Variants in SLC13A1 observed in about 807,000 individuals in gnomAD.
The protein encoded by SLC13A1 is Na(+)/sulfate cotransporter.
A neutral mutation model predicts 70.0 loss-of-function variants in SLC13A1; 65 were observed. The observed-to-expected ratio is 0.93, with a 90% CI of 0.76 to 1.14. The LOEUF (loss-of-function observed/expected upper bound fraction) is 1.14. Ranked by LOEUF, SLC13A1 falls within the 50% of genes most tolerant of loss-of-function variation. The pLI, the probability that SLC13A1 is intolerant of heterozygous loss-of-function variation, is 0.00. For missense variants in SLC13A1, 726 were observed against 717.8 expected (o/e 1.01, Z -0.13); for synonymous variants, 275 against 250.5 (o/e 1.10, Z -0.92).
At chr7:123,140,163 C>A (rs1020925301) in intron 7 of SLC13A1, among the ~76,000 whole-genome samples, 1 of 151,814 alleles carries the variant, frequency 6.6e-6, no homozygotes, top group Non-Finnish European at 1.5e-5. Flanking sequence ...TTATGAAATG[C>A]TTTTTCAGCA....
chr7:123,183,717 A>C (rs2116629063), intron 1 of SLC13A1, among the ~76,000 whole-genome samples: 1 of 152,244 alleles, frequency 6.6e-6, no homozygotes, highest in East Asian at 1.9e-4. Flanking sequence ...TCAGGCTCAC[A>C]AGGTGATCCT....
At chr7:123,175,928 A>G (rs1795432748) in intron 2 of SLC13A1, among the ~76,000 whole-genome samples, 1 of 152,188 alleles carries the variant, frequency 6.6e-6, no homozygotes, top group Admixed American at 6.6e-5. Context: ...GAGTTAGCAT[A>G]TTGTAGAGGG....
intron 6 of SLC13A1, among the ~76,000 whole-genome samples, chr7:123,151,334 C>T (rs1434012636): frequency 6.7e-6 from 1 of 149,268 alleles, no homozygotes; most frequent in East Asian, 2.0e-4. Context: ...CGTCTCAAAA[C>T]AAAACAAAAC....
intron 8 of SLC13A1, among the ~76,000 whole-genome samples, chr7:123,131,268 G>C (rs1793749652): frequency 6.6e-6 from 1 of 152,070 alleles, no homozygotes; most frequent in Non-Finnish European, 1.5e-5. Flanking sequence ...CCCTTGTCAT[G>C]ACATAAATAC....
intron 4 of SLC13A1, 104 bp downstream of exon 4, chr7:123,169,044 A>C (rs955206371): frequency 5.2e-6 from 5 of 963,920 alleles, no homozygotes; most frequent in Non-Finnish European, 3.1e-6. Context: ...AATTCATATC[A>C]TGCATGTATA....
At chr7:123,170,622 T>TTTGTTTTG (rs75815412) in intron 3 of SLC13A1, among the ~76,000 whole-genome samples, 2 of 150,896 alleles carry the variant, frequency 1.3e-5, no homozygotes, top group Non-Finnish European at 3.0e-5. Flanking sequence ...TTTTGGTTTT[T>TTTGTTTTG]TTTGTTTGTT....
intron 1 of SLC13A1, among the ~76,000 whole-genome samples, chr7:123,184,496 A>G (rs1375844378): frequency 2.0e-5 from 3 of 152,090 alleles, no homozygotes; most frequent in African/African-American, 7.2e-5. Flanking sequence ...CACATGACTG[A>G]CATCACATGC....
At position 123,119,100 on chromosome 7, in the gene SLC13A1, A is replaced by G. The variant is rs775804871; in HGVS notation, c.1493T>C (p.Leu498Pro). Reference protein sequence around the residue: ...ASNPATITLFLPILSPLAEAI... With the variant: ...ASNPATITLFPPILSPLAEAI... ...ACTCACCAATGGAGATAATATTGGGAGAAAGAGTGTAATGGTAGCTGGATT... is the reference window on the plus strand; with the variant it reads ...ACTCACCAATGGAGATAATATTGGGGGAAAGAGTGTAATGGTAGCTGGATT... Residue 498 changes from leucine to proline, a missense_variant, in exon 13 of 15, where the codon CTC (leucine) becomes CCC (proline). Coordinates refer to ENST00000194130, the MANE Select transcript of SLC13A1 (RefSeq NM_022444.4). 6.2e-7 allele frequency: 1 copy of G among 1,612,526 alleles called. No individual in the cohort carries two copies. The highest frequency in any genetic ancestry group is 1.1e-5 in the South Asian group (1 of 91,034).
intron 1 of SLC13A1, among the ~76,000 whole-genome samples, chr7:123,189,013 G>A (rs1585405762): frequency 1.4e-5 from 2 of 148,086 alleles, no homozygotes; most frequent in South Asian, 2.1e-4. Context: ...TACTTGGGAG[G>A]CTGAGGCAGG....
chr7:123,184,229 G>C (rs1348116261), intron 1 of SLC13A1, among the ~76,000 whole-genome samples: 1 of 152,080 alleles, frequency 6.6e-6, no homozygotes, highest in Non-Finnish European at 1.5e-5. Flanking sequence ...GAATGACTAA[G>C]TCTAGCTAAT....
intron 6 of SLC13A1, chr7:123,149,500 G>C (rs1231998991): frequency 2.2e-6 from 1 of 456,452 alleles, no homozygotes; most frequent in Admixed American, 2.4e-5. Flanking sequence ...AGTGGCAGGG[G>C]GTTGGGGCAC....
chr7:123,193,337 G>A lies in SLC13A1; in HGVS notation c.99+6511C>T, dbSNP rs972827873. Reference sequence around the variant, plus strand: ...TAAAAAAAAAAATCAGCCAAGGGTAGCATGTCTGAGTCACTTGGGGAATGT... The same window carrying A: ...TAAAAAAAAAAATCAGCCAAGGGTAACATGTCTGAGTCACTTGGGGAATGT... On this transcript the variant is annotated intron_variant, in intron 1 of 14. Coordinates refer to ENST00000194130, the MANE Select transcript of SLC13A1 (RefSeq NM_022444.4). Among the ~76,000 whole-genome samples, 16 of 152,040 alleles carry A rather than the reference G, an allele frequency of 1.1e-4. 1 individual carries two copies. Among genetic ancestry groups the A allele is most frequent in the Non-Finnish European group, 1.8e-4 (12 of 68,012 alleles).
At chr7:123,176,875 A>G (rs1239686813) in intron 2 of SLC13A1, among the ~76,000 whole-genome samples, 1 of 152,112 alleles carries the variant, frequency 6.6e-6, no homozygotes, top group East Asian at 1.9e-4. Flanking sequence ...ATAGCTATGC[A>G]GAGGTCAGTT....
At chr7:123,121,540 C>A (rs34938163) in intron 12 of SLC13A1, among the ~76,000 whole-genome samples, 35,589 of 151,800 alleles carry the variant, frequency 0.23, 4,863 homozygotes, top group East Asian at 0.34. Flanking sequence ...GTTGTTATTG[C>A]AATTTTAATG....
In SLC13A1 at chr7:123,119,240, C is replaced by T. The variant is rs371095565; in HGVS notation, c.1353G>A (p.Glu451=). 10 of 1,587,884 alleles carry T rather than the reference C, an allele frequency of 6.3e-6. No individual in the cohort carries two copies. The African/African-American group carries it at 1.1e-4, about 17-fold the overall frequency. The change falls in exon 13 of 15, where the codon GAG becomes GAA. Residue 451 remains glutamate (E), a splice_region_variant and synonymous_variant. Transcript: ENST00000194130. ...TTCCTATCCACTTAGATAATCCAGA[C>T]TCCTAAAAAACAAATTTGCAATATT... ...GGFALADGCE[E]SGLSKWIGNK...
At chr7:123,186,705 T>G (rs1454186131) in intron 1 of SLC13A1, 1 of 455,138 alleles carries the variant, frequency 2.2e-6, no homozygotes, top group Non-Finnish European at 4.4e-6. Context: ...CCCCCAAGTC[T>G]GCTGGAAGTT....
chr7:123,174,319 A>T (rs1176603210), intron 2 of SLC13A1, among the ~76,000 whole-genome samples: 1 of 152,042 alleles, frequency 6.6e-6, no homozygotes. Flanking sequence ...AAACACCTAC[A>T]ATTCAACATA....
rs547593892 is a variant in SLC13A1, at chr7:123,129,089, G to A, written c.1032-143C>T. The A allele has an allele frequency of 9.0e-5, 64 of 709,032 alleles. 1 individual carries two copies. The South Asian group carries it at 1.0e-3, about 11-fold the overall frequency. 43.9% of individuals were successfully genotyped at this position (709,032 alleles called of 1,614,324 possible). On this transcript the variant is annotated intron_variant, in intron 9 of 14. Coordinates refer to ENST00000194130, the MANE Select transcript of SLC13A1 (RefSeq NM_022444.4). The stretch of plus-strand genomic sequence containing the variant: ...ATGTGTCAATAATTTGAGAGCATCA[G>A]TGCAGTTTGAAAAAGCCCTTTCTCC...
Position 123,128,877 on chromosome 7 carries a change from T to G in SLC13A1, c.1101A>C (p.Gly367=). Residue 367 remains glycine (G), a synonymous_variant, in exon 10 of 15, where the codon GGA becomes GGC. Transcript: ENST00000194130. ...AAAGTGCAGACCAACCAGGAACAAA[T>G]CCGGGGTCTCGACTAAACCATAGCA... ...MALLWFSRDP[G]FVPGWSALFS... 6.2e-7 allele frequency: 1 copy of G among 1,613,320 alleles called. No homozygotes were observed. Among genetic ancestry groups the G allele is most frequent in the Non-Finnish European group, 8.5e-7 (1 of 1,179,660 alleles).
Sources: allele counts gnomAD v4.1 joint callset (sites outside exome capture counted in the v4.1 genomes callset), GRCh38; gene constraint gnomAD v4.1.1; transcripts MANE v1.5; gene names NCBI Gene and HGNC (gene_info 2026-07-23, HGNC 2026-07-21).